AGAP1: variants seen among roughly 807,000 people sequenced by gnomAD.
AGAP1 encodes ArfGAP with GTPase domain, ankyrin repeat and PH domain 1.
Under a neutral mutation model 105.3 loss-of-function variants are expected in AGAP1, and 29 were observed. The observed-to-expected ratio is 0.28, with a 90% CI of 0.21 to 0.38. The LOEUF (loss-of-function observed/expected upper bound fraction) is 0.38. Among genes scored for constraint, AGAP1 ranks in the 10% least tolerant of loss-of-function variants. The pLI, the probability that AGAP1 is intolerant of heterozygous loss-of-function variation, is 1.00. For synonymous variants in AGAP1, 509 were observed against 485.9 expected, an observed-to-expected ratio of 1.05 and a Z score of -0.63; for missense variants, 998 against 1,165.1, an observed-to-expected ratio of 0.86 and a Z score of 2.09.
At position 236,027,458 on chromosome 2, in the gene AGAP1, C is replaced by T. The variant is rs10188625; in HGVS notation, c.1646-9103C>T. 7.7e-3 allele frequency among the ~76,000 whole-genome samples: 1,167 copies of T among 152,216 alleles called. 13 individuals carry two copies. The highest frequency in any genetic ancestry group is 0.027 in the African/African-American group (1,107 of 41,532). On this transcript the variant is annotated intron_variant, in intron 13 of 17. Transcript: ENST00000304032. The surrounding 1 kb of genome is among the most constrained non-coding windows in gnomAD (Gnocchi z 4.4). ...ATCCAAAAGAAGACACAGGGTAGTC[C>T]TCCCGCCGGTGCCCACCTCTGCGCT...
intron 12 of AGAP1, among the ~76,000 whole-genome samples, chr2:235,949,314 T>C (rs2053632818): frequency 1.3e-5 from 2 of 152,224 alleles, no homozygotes; most frequent in South Asian, 4.1e-4. Context: ...TTAGGGATAC[T>C]CAACCTGTAA....
chr2:236,071,654 A>G (rs1248754432), intron 16 of AGAP1, among the ~76,000 whole-genome samples: 1 of 152,244 alleles, frequency 6.6e-6, no homozygotes, highest in Non-Finnish European at 1.5e-5. Flanking sequence ...GGCCAGGACC[A>G]GCCTAGGAAA....
Position 235,535,750 on chromosome 2 carries a change from C to T in AGAP1, c.163+40901C>T, listed in dbSNP as rs1195741685. Among the ~76,000 whole-genome samples the T allele has an allele frequency of 1.3e-5, 2 of 151,988 alleles. No homozygotes were observed. The highest frequency in any genetic ancestry group is 2.9e-5 in the Non-Finnish European group (2 of 68,024). The stretch of plus-strand genomic sequence containing the variant: ...CTTTCACAAAACTTGTATTTTCATG[C>T]CTAATAAGTGAGCGTGTGACATGCA... On this transcript the variant is annotated intron_variant, in intron 1 of 17. Coordinates refer to ENST00000304032, the MANE Select transcript of AGAP1 (RefSeq NM_001037131.3). The surrounding 1 kb of genome is among the most constrained non-coding windows in gnomAD (Gnocchi z 5.1).
rs772799550 is a variant in AGAP1, at chr2:235,908,914, T to G, written c.1324+8T>G. The stretch of plus-strand genomic sequence containing the variant: ...ACATCTCACCCAATTCAGGTAAGCT[T>G]ACAGCAAATGCACTAACAAATCAAG... On this transcript the variant is annotated splice_region_variant and intron_variant, in intron 11 of 17. Coordinates refer to ENST00000304032, the MANE Select transcript of AGAP1 (RefSeq NM_001037131.3). The surrounding 1 kb of genome is among the most constrained non-coding windows in gnomAD (Gnocchi z 4.4). The G allele has an allele frequency of 6.2e-7, 1 of 1,605,948 alleles. No individual in the cohort carries two copies. Among genetic ancestry groups the G allele is most frequent in the African/African-American group, 1.3e-5 (1 of 74,694 alleles).
At chr2:235,895,209 CT>C (rs2050745329) in intron 10 of AGAP1, among the ~76,000 whole-genome samples, 2 of 152,200 alleles carry the variant, frequency 1.3e-5, no homozygotes, top group African/African-American at 4.8e-5. Context: ...CTGCTTTTAA[CT>C]TTCACCTTGT....
chr2:236,055,000 G>A (rs919365179), intron 16 of AGAP1, among the ~76,000 whole-genome samples: 1 of 152,198 alleles, frequency 6.6e-6, no homozygotes, highest in Non-Finnish European at 1.5e-5. Context: ...GCAACTGGCT[G>A]ATTTAATGAT....
chr2:235,868,026 C>T (rs1325058159), intron 9 of AGAP1, among the ~76,000 whole-genome samples: 3 of 152,176 alleles, frequency 2.0e-5, no homozygotes, highest in Non-Finnish European at 2.9e-5. Flanking sequence ...GGTACTCACA[C>T]TCTTTGGATC....
rs2054353008 is a variant in AGAP1, at chr2:235,965,504, G to A, written c.1484-2958G>A. On this transcript the variant is annotated intron_variant, in intron 12 of 17. Coordinates refer to ENST00000304032, the MANE Select transcript of AGAP1 (RefSeq NM_001037131.3). This position sits in a 1 kb window ranked among gnomAD's most constrained non-coding sequence, Gnocchi z 5.8. ...TGGATTTAAACCCTCTATCTGGATA[G>A]GAACCTTGTCTGGAGAGGTCTGCAG... Among the ~76,000 whole-genome samples the A allele has an allele frequency of 6.6e-6, 1 of 152,210 alleles. No individual in the cohort carries two copies. The highest frequency in any genetic ancestry group is 1.5e-5 in the Non-Finnish European group (1 of 68,038).
chr2:235,995,470 T>C (rs2055769466), intron 13 of AGAP1, among the ~76,000 whole-genome samples: 1 of 152,134 alleles, frequency 6.6e-6, no homozygotes, highest in South Asian at 2.1e-4. Context: ...GCCGAGATAG[T>C]GCCACTGCAC....
intron 1 of AGAP1, among the ~76,000 whole-genome samples, chr2:235,538,784 T>G (rs1376528229): frequency 6.6e-6 from 1 of 152,200 alleles, no homozygotes; most frequent in Non-Finnish European, 1.5e-5. Context: ...AAGATAGGAT[T>G]TAGTATCCTG....
intron 1 of AGAP1, among the ~76,000 whole-genome samples, chr2:235,592,389 G>A (rs913354764): frequency 3.4e-5 from 5 of 148,940 alleles, no homozygotes; most frequent in Non-Finnish European, 7.4e-5. Flanking sequence ...AGGAGGAGTA[G>A]ATGAGCCATG....
intron 8 of AGAP1, among the ~76,000 whole-genome samples, chr2:235,802,480 A>AT (rs34476538): frequency 0.99 from 151,119 of 152,374 alleles, 74,935 homozygotes; most frequent in East Asian, 1. Flanking sequence ...CAGCTGTCCC[A>AT]TGGCATTAGT....
intron 2 of AGAP1, among the ~76,000 whole-genome samples, chr2:235,715,948 C>T (rs1014227695): frequency 8.6e-5 from 13 of 152,010 alleles, no homozygotes; most frequent in Admixed American, 5.9e-4. Context: ...CCCATCGAGG[C>T]GTGAATACCG....
intron 1 of AGAP1, among the ~76,000 whole-genome samples, chr2:235,592,404 G>T (rs1000564184): frequency 6.6e-6 from 1 of 151,984 alleles, no homozygotes; most frequent in Non-Finnish European, 1.5e-5. Flanking sequence ...GCCATGTTCT[G>T]GGGGGCAGTG....
rs1484482654 is a variant in AGAP1, at chr2:235,691,051, G to C, written c.164-18128G>C. 1.3e-5 allele frequency among the ~76,000 whole-genome samples: 2 copies of C among 152,092 alleles called. No homozygotes were observed. The highest frequency in any genetic ancestry group is 2.9e-5 in the Non-Finnish European group (2 of 68,014). On this transcript the variant is annotated intron_variant, in intron 1 of 17. Transcript: ENST00000304032. This position sits in a 1 kb window ranked among gnomAD's most constrained non-coding sequence, Gnocchi z 4.4. ...ACACTCAGATTAGTGTGCCTAGAGT[G>C]CCAAGGTGGGGGTTGTAGACAAGAT...
intron 13 of AGAP1, among the ~76,000 whole-genome samples, chr2:236,021,512 G>T (rs760416916): frequency 6.6e-6 from 1 of 152,164 alleles, no homozygotes; most frequent in Non-Finnish European, 1.5e-5. Flanking sequence ...TCTGCAAAGT[G>T]GGGAGTGTGT....
rs1310279452 is a variant in AGAP1 at position 235,609,356 on chromosome 2, A to T, written c.164-99823A>T. Among the ~76,000 whole-genome samples, 2 of 152,186 alleles carry T rather than the reference A, an allele frequency of 1.3e-5. No homozygotes were observed. The highest frequency in any genetic ancestry group is 2.9e-5 in the Non-Finnish European group (2 of 68,036). On this transcript the variant is annotated intron_variant, in intron 1 of 17. Coordinates refer to ENST00000304032, the MANE Select transcript of AGAP1 (RefSeq NM_001037131.3). The surrounding 1 kb of genome is among the most constrained non-coding windows in gnomAD (Gnocchi z 5.1). ...TAAAATGGCCAGAGGACATGGGGAC[A>T]TGGGGCAGGGAGAGCTTCAGAATGA...
Position 235,620,343 on chromosome 2 carries a change from C to G in AGAP1, c.164-88836C>G, listed in dbSNP as rs951206702. Among the ~76,000 whole-genome samples the G allele has an allele frequency of 3.9e-5, 6 of 152,180 alleles. No homozygotes were observed. On this transcript the variant is annotated intron_variant, in intron 1 of 17. Coordinates refer to ENST00000304032, the MANE Select transcript of AGAP1 (RefSeq NM_001037131.3). The surrounding 1 kb of genome is among the most constrained non-coding windows in gnomAD (Gnocchi z 4.5). ...TCTCCTGGACAGTCCACTTGCCCAG[C>G]AGCCAGGGGCATCCCTGAGAAGCCG...
intron 5 of AGAP1, among the ~76,000 whole-genome samples, chr2:235,749,885 G>A (rs1452730127): frequency 6.6e-6 from 1 of 152,206 alleles, no homozygotes; most frequent in African/African-American, 2.4e-5. Context: ...GGGTATCCCT[G>A]TGCATAGAAC....
Sources: gnomAD v4.1 joint callset for allele counts (sites outside exome capture counted in the v4.1 genomes callset) on GRCh38, gnomAD v4.1.1 for gene constraint, Gnocchi (gnomAD v3.1) non-coding constraint, MANE v1.5 for transcripts, NCBI Gene and HGNC (gene_info 2026-07-23, HGNC 2026-07-21) for gene names.